FRMD4A: variants seen among roughly 807,000 people sequenced by gnomAD.
FRMD4A encodes FERM domain-containing protein 4A.
Under a neutral mutation model 129.1 loss-of-function variants are expected in FRMD4A, and 29 were observed. That is an observed-to-expected ratio of 0.22 (90% confidence interval 0.17 to 0.31). The LOEUF is 0.31. Ranked by LOEUF, FRMD4A falls within the 10% of genes least tolerant of loss-of-function variation. The pLI, the probability that FRMD4A is intolerant of heterozygous loss-of-function variation, is 1.00. For synonymous variants in FRMD4A, 634 were observed against 571.6 expected (o/e 1.11, Z -1.56); for missense variants, 1,272 against 1,375.8 (o/e 0.92, Z 1.19).
intron 2 of FRMD4A, among the ~76,000 whole-genome samples, chr10:13,992,778 C>A (rs771833798): frequency 4.2e-4 from 64 of 151,778 alleles, no homozygotes; most frequent in Admixed American, 1.2e-3. Context: ...AATGGTGAAA[C>A]CCTGTCTCTA....
At chr10:13,723,446 G>A (rs1314096351) in intron 12 of FRMD4A, among the ~76,000 whole-genome samples, 2 of 152,176 alleles carry the variant, frequency 1.3e-5, no homozygotes, top group Non-Finnish European at 2.9e-5. Flanking sequence ...AGCAGATGGG[G>A]GGAGAGAAAA....
chr10:13,785,328 G>C (rs1033376742), intron 5 of FRMD4A, among the ~76,000 whole-genome samples: 1 of 152,102 alleles, frequency 6.6e-6, no homozygotes, highest in Non-Finnish European at 1.5e-5. Context: ...ATTACGCAGT[G>C]GTCCTCATAC....
chr10:13,951,115 TG>T (rs1237849977), intron 2 of FRMD4A, among the ~76,000 whole-genome samples: 1 of 152,126 alleles, frequency 6.6e-6, no homozygotes, highest in Non-Finnish European at 1.5e-5. Context: ...CCAAGGGTGC[TG>T]GGTGCTTCCA....
At chr10:13,712,822 C>G (rs1373648348) in intron 12 of FRMD4A, among the ~76,000 whole-genome samples, 1 of 152,214 alleles carries the variant, frequency 6.6e-6, no homozygotes, top group African/African-American at 2.4e-5. Flanking sequence ...CCTTTGAGAC[C>G]TGAATGCAAC....
chr10:13,918,950 T>C (rs904232462), intron 2 of FRMD4A, among the ~76,000 whole-genome samples: 1 of 152,182 alleles, frequency 6.6e-6, no homozygotes, highest in African/African-American at 2.4e-5. Flanking sequence ...AATGATTCTA[T>C]CTGATGTCTT....
intron 15 of FRMD4A, chr10:13,693,204 C>T (rs555581617): frequency 3.7e-5 from 6 of 162,668 alleles, no homozygotes; most frequent in Non-Finnish European, 8.1e-5. Flanking sequence ...TTCCAAACCA[C>T]GGCTGCCTCC....
At chr10:14,301,426 G>A (rs936355328) in intron 2 of FRMD4A, among the ~76,000 whole-genome samples, 1 of 152,212 alleles carries the variant, frequency 6.6e-6, no homozygotes, top group Non-Finnish European at 1.5e-5. Flanking sequence ...TCTCACAGGT[G>A]CTGATAGAGG....
chr10:14,128,705 G>A (rs1213229831), intron 2 of FRMD4A, among the ~76,000 whole-genome samples: 1 of 152,090 alleles, frequency 6.6e-6, no homozygotes, highest in Non-Finnish European at 1.5e-5. Flanking sequence ...AAATGCACGT[G>A]GTAACATCTT....
intron 2 of FRMD4A, among the ~76,000 whole-genome samples, chr10:14,091,458 G>A (rs371567474): frequency 2.0e-4 from 31 of 152,166 alleles, no homozygotes; most frequent in African/African-American, 6.7e-4. Flanking sequence ...GTTTTGAGAC[G>A]GAGTCCCACT....
chr10:13,952,846 C>T (rs1451450141), intron 2 of FRMD4A, among the ~76,000 whole-genome samples: 1 of 152,022 alleles, frequency 6.6e-6, no homozygotes, highest in East Asian at 1.9e-4. Context: ...GTGCCCACCA[C>T]CATGTCGGCT....
At chr10:14,056,418 GT>G (rs1335956397) in intron 2 of FRMD4A, among the ~76,000 whole-genome samples, 2 of 151,020 alleles carry the variant, frequency 1.3e-5, no homozygotes, top group Non-Finnish European at 2.9e-5. Context: ...AAAATTTAAA[GT>G]TTTTTCCCCC....
chr10:14,072,148 C>T (rs1835347179), intron 2 of FRMD4A, among the ~76,000 whole-genome samples: 3 of 152,162 alleles, frequency 2.0e-5, no homozygotes, highest in Non-Finnish European at 4.4e-5. Context: ...TTTAATAAGA[C>T]TGCTTTCTTC....
chr10:13,747,842 A>G, intron 8 of FRMD4A, 23 bp from the exon 9 acceptor site: 1 of 1,344,188 alleles, frequency 7.4e-7, no homozygotes, highest in African/African-American at 1.4e-5. Context: ...ATGCCCAGAA[A>G]CGCACTCACC....
chr10:14,007,025 AT>A (rs1022550814), intron 2 of FRMD4A, among the ~76,000 whole-genome samples: 19 of 151,954 alleles, frequency 1.3e-4, no homozygotes, highest in African/African-American at 4.3e-4. Context: ...AGCCCCTCAC[AT>A]TTTTAAACCT....
intron 2 of FRMD4A, among the ~76,000 whole-genome samples, chr10:13,901,990 A>T (rs1424166540): frequency 1.3e-5 from 2 of 152,186 alleles, no homozygotes; most frequent in Non-Finnish European, 2.9e-5. Flanking sequence ...ATTTCACTAA[A>T]TAAGAAGATA....
intron 19 of FRMD4A, among the ~76,000 whole-genome samples, chr10:13,662,505 C>T (rs1055043534): frequency 6.6e-6 from 1 of 152,184 alleles, no homozygotes; most frequent in African/African-American, 2.4e-5. Context: ...ACCCGCCTCC[C>T]AGTACGATGG....
At chr10:14,020,666 A>G (rs544457499) in intron 2 of FRMD4A, among the ~76,000 whole-genome samples, 2 of 147,526 alleles carry the variant, frequency 1.4e-5, no homozygotes, top group South Asian at 2.2e-4. Flanking sequence ...GGCAGCCCCA[A>G]TTTTTTTTTT....
At chr10:14,144,866 G>C (rs371622962) in intron 2 of FRMD4A, among the ~76,000 whole-genome samples, 1 of 152,256 alleles carries the variant, frequency 6.6e-6, no homozygotes, top group African/African-American at 2.4e-5. Flanking sequence ...GAAGGACTTG[G>C]GGTCAAGAGG....
At chr10:14,044,333 TG>T (rs1286118207) in intron 2 of FRMD4A, among the ~76,000 whole-genome samples, 2 of 152,252 alleles carry the variant, frequency 1.3e-5, no homozygotes, top group African/African-American at 4.8e-5. Flanking sequence ...TTTCTGCATT[TG>T]GCTGCTTCAC....
Sources: gnomAD v4.1 joint callset for allele counts (sites outside exome capture counted in the v4.1 genomes callset) on GRCh38, gnomAD v4.1.1 for gene constraint, MANE v1.5 for transcripts, NCBI Gene and HGNC (gene_info 2026-07-23, HGNC 2026-07-21) for gene names.